MEDAG: variants seen among roughly 807,000 people sequenced by gnomAD.
MEDAG encodes mesenteric estrogen-dependent adipogenesis protein.
A neutral mutation model predicts 29.9 loss-of-function variants in MEDAG; 25 were observed. The observed-to-expected ratio is 0.84, with a 90% CI of 0.61 to 1.17. The LOEUF (loss-of-function observed/expected upper bound fraction) is 1.17, where lower values mean the gene tolerates loss of function less well. MEDAG is among the 50% of genes most tolerant of loss of function. The probability of loss-of-function intolerance (pLI) is 0.00; values close to 1 mark genes in which losing one functional copy is unlikely to be tolerated. For missense variants in MEDAG, 398 were observed against 372.9 expected (o/e 1.07, Z -0.56); for synonymous variants, 158 against 148.2 (o/e 1.07, Z -0.48).
At chr13:30,914,354 A>G (rs2138119813) in intron 1 of MEDAG, among the ~76,000 whole-genome samples, 1 of 152,290 alleles carries the variant, frequency 6.6e-6, no homozygotes, top group East Asian at 1.9e-4. Flanking sequence ...ATCTTGGCAC[A>G]ATCTCTTGTC....
Position 30,921,266 on chromosome 13 carries a change from G to T in MEDAG, c.501+140G>T, listed in dbSNP as rs573731109. On this transcript the variant is annotated intron_variant, in intron 3 of 4. Coordinates refer to ENST00000380482, the MANE Select transcript of MEDAG (RefSeq NM_032849.4). ...AAAACAAAGTGCATTCAGACACTTT[G>T]TTCTCAAAGGTGGCATTATTGCTAC... 19 of 711,060 alleles carry T rather than the reference G, an allele frequency of 2.7e-5. No individual in the cohort carries two copies. In the East Asian group the frequency reaches 3.3e-4, roughly 12 times the overall value. 44.0% of individuals were successfully genotyped at this position (711,060 alleles called of 1,614,324 possible).
intron 4 of MEDAG, among the ~76,000 whole-genome samples, chr13:30,923,643 A>T (rs534215678): frequency 1.3e-5 from 2 of 152,136 alleles, no homozygotes; most frequent in African/African-American, 4.8e-5. Context: ...GCAGTGCCAT[A>T]TGTGCCTGGG....
Position 30,921,598 on chromosome 13 carries a change from C to G in MEDAG, c.539C>G (p.Pro180Arg). 2 of 1,607,868 alleles carry G rather than the reference C, an allele frequency of 1.2e-6. No individual in the cohort carries two copies. The highest frequency in any genetic ancestry group is 1.7e-6 in the Non-Finnish European group (2 of 1,178,480). The stretch of plus-strand genomic sequence containing the variant: ...GAGGCAGTGAAGAATTTCTTCCCCC[C>G]AGGAAATGAAGTGGTTAATGGAGAA... Reference protein sequence around the residue: ...FQEAVKNFFPPGNEVVNGENL... With the variant: ...FQEAVKNFFPRGNEVVNGENL... Residue 180 changes from proline (P) to arginine (R), a missense_variant, in exon 4 of 5, where the codon CCA becomes CGA. Transcript: ENST00000380482.
chr13:30,917,927 G>A (rs1952945244), intron 2 of MEDAG, among the ~76,000 whole-genome samples: 2 of 152,160 alleles, frequency 1.3e-5, no homozygotes, highest in Admixed American at 1.3e-4. Context: ...TTTTGGTTTG[G>A]TCCTTGCTGG....
chr13:30,909,689 T>C (rs772680114), intron 1 of MEDAG, among the ~76,000 whole-genome samples: 20 of 152,148 alleles, frequency 1.3e-4, no homozygotes, highest in Admixed American at 1.1e-3. Flanking sequence ...TCAACAAATA[T>C]TTTTGGCATA....
intron 1 of MEDAG, among the ~76,000 whole-genome samples, chr13:30,908,206 CA>C (rs763654088): frequency 3.3e-5 from 5 of 152,174 alleles, no homozygotes; most frequent in Non-Finnish European, 5.9e-5. Flanking sequence ...ACCTCCTACA[CA>C]AAAGAAAATT....
Position 30,906,721 on chromosome 13 carries a change from G to T in MEDAG, c.206G>T (p.Gly69Val). Residue 69 changes from glycine to valine, a missense_variant, in exon 1 of 5, where the codon GGC becomes GTC. Gly to Val is a moderately radical substitution (Grantham distance 109). Coordinates refer to ENST00000380482, the MANE Select transcript of MEDAG (RefSeq NM_032849.4). ...RPGEPAAARG[G>V]FNVFGDGLVR... ...GGGGAGCCGGCGGCGGCGCGGGGGG[G>T]CTTCAACGTCTTCGGTGACGGCCTC... The T allele has an allele frequency of 2.0e-6, 3 of 1,517,830 alleles. No homozygotes were observed. Among genetic ancestry groups the T allele is most frequent in the Non-Finnish European group, 1.8e-6 (2 of 1,141,942 alleles). 94.0% of individuals were successfully genotyped at this position (1,517,830 alleles called of 1,614,324 possible).
chr13:30,913,472 G>T (rs1721325825), intron 1 of MEDAG, among the ~76,000 whole-genome samples: 1 of 152,092 alleles, frequency 6.6e-6, no homozygotes, highest in Non-Finnish European at 1.5e-5. Context: ...GCCTCAAGCA[G>T]TCCTCCTGTC....
intron 1 of MEDAG, among the ~76,000 whole-genome samples, chr13:30,912,830 TTA>T (rs1488949122): frequency 6.6e-6 from 1 of 152,216 alleles, no homozygotes; most frequent in Non-Finnish European, 1.5e-5. Context: ...GATATTTTCC[TTA>T]TTTCCTGGGA....
intron 1 of MEDAG, among the ~76,000 whole-genome samples, chr13:30,915,662 C>T (rs1952920602): frequency 7.3e-6 from 1 of 137,090 alleles, no homozygotes; most frequent in East Asian, 3.0e-4. Context: ...CACCACTCCC[C>T]TCAGTCTCCT....
chr13:30,921,682 T>C lies in MEDAG; in HGVS notation c.623T>C (p.Phe208Ser). Reference sequence around the variant, plus strand: ...GCATTATTTGATTTCTTCTATTGGTTTGGGCTCAGTAATTCCGTTGTAAAA... The same window carrying C: ...GCATTATTTGATTTCTTCTATTGGTCTGGGCTCAGTAATTCCGTTGTAAAA... The part of the protein sequence containing the change: ...ADALFDFFYW[F>S]GLSNSVVKVN... Residue 208 changes from phenylalanine to serine, a missense_variant, in exon 4 of 5, where the codon TTT becomes TCT. Phe to Ser is a radical substitution (Grantham distance 155). Transcript: ENST00000380482. The C allele has an allele frequency of 6.2e-7, 1 of 1,614,144 alleles. No individual in the cohort carries two copies. Among genetic ancestry groups the C allele is most frequent in the South Asian group, 1.1e-5 (1 of 91,080 alleles).
intron 1 of MEDAG, chr13:30,916,852 C>T (rs991570173): frequency 1.3e-5 from 2 of 152,288 alleles, no homozygotes; most frequent in African/African-American, 4.8e-5. Context: ...CAGTTGTTTT[C>T]GTTTTTTAAT....
chr13:30,925,500 T>A lies in MEDAG; in HGVS notation c.*1065T>A, dbSNP rs1208607965. The A allele has an allele frequency of 6.6e-6, 1 of 152,234 alleles. No homozygotes were observed. Among genetic ancestry groups the A allele is most frequent in the Non-Finnish European group, 1.5e-5 (1 of 68,040 alleles). 9.4% of individuals were successfully genotyped at this position (152,234 alleles called of 1,614,324 possible). A position where few individuals can be genotyped will look rare whatever the true frequency, so the allele number is the denominator to read the frequency against. On this transcript the variant is annotated 3_prime_UTR_variant, in exon 5 of 5. Coordinates refer to ENST00000380482, the MANE Select transcript of MEDAG (RefSeq NM_032849.4). ...TTCCACTTATATTTGAAATGTTATG[T>A]ACCACATTTGCACAATTAAAACTTT...
intron 1 of MEDAG, among the ~76,000 whole-genome samples, chr13:30,912,946 A>G (rs1178756666): frequency 6.6e-6 from 1 of 152,236 alleles, no homozygotes; most frequent in Admixed American, 6.5e-5. Flanking sequence ...ATGTTTATCA[A>G]GCATCTACTA....
chr13:30,906,957 C>G (rs904660927), intron 1 of MEDAG, among the ~76,000 whole-genome samples, 164 bp downstream of exon 1: 18 of 152,254 alleles, frequency 1.2e-4, no homozygotes, highest in African/African-American at 4.1e-4. Flanking sequence ...TCACCCGGAG[C>G]CTGCACGCTC....
chr13:30,921,881 A>T, intron 4 of MEDAG, 35 bp downstream of exon 4: 1 of 1,551,568 alleles, frequency 6.4e-7, no homozygotes, highest in Admixed American at 2.1e-5. Context: ...TGTGGAAGGT[A>T]GTTAAATAAA....
intron 2 of MEDAG, among the ~76,000 whole-genome samples, 182 bp downstream of exon 2, chr13:30,917,694 T>C (rs1952943053): frequency 6.6e-6 from 1 of 152,078 alleles, no homozygotes; most frequent in African/African-American, 2.4e-5. Flanking sequence ...AGGCACGTCT[T>C]ACATGGAGCA....
chr13:30,908,676 ACCTCCCTCCCTCCCCTC>A (rs1952852254), intron 1 of MEDAG: 1 of 132,202 alleles, frequency 7.6e-6, no homozygotes, highest in Non-Finnish European at 1.6e-5. Flanking sequence ...ATAGCATAAA[ACCTCCCTCCCTCCCCTC>A]CCTCCCTCCC....
chr13:30,913,401 G>C (rs1440643227), intron 1 of MEDAG, among the ~76,000 whole-genome samples: 2 of 152,148 alleles, frequency 1.3e-5, no homozygotes, highest in East Asian at 3.9e-4. Context: ...ATTTGTTGTA[G>C]AGGCAAGGTT....
Sources: allele counts gnomAD v4.1 joint callset (sites outside exome capture counted in the v4.1 genomes callset), GRCh38; gene constraint gnomAD v4.1.1; transcripts MANE v1.5; gene names NCBI Gene and HGNC (gene_info 2026-07-23, HGNC 2026-07-21).